Variants in SNTG1 observed in about 807,000 individuals in gnomAD.
SNTG1 encodes the protein gamma-1-syntrophin.
A neutral mutation model predicts 74.7 loss-of-function variants in SNTG1; 39 were observed. The ratio of observed to expected loss-of-function variants is 0.52; its 90% CI spans 0.40 to 0.68. The LOEUF is 0.68. Ranked by LOEUF, SNTG1 falls within the 30% of genes least tolerant of loss-of-function variation. SNTG1 has a pLI of 0.00. For synonymous variants in SNTG1, 254 were observed against 217.1 expected (o/e 1.17, Z -1.49); for missense variants, 685 against 609.5 (o/e 1.12, Z -1.30).
At chr8:50,488,853 G>T (rs2093823254) in intron 8 of SNTG1, among the ~76,000 whole-genome samples, 1 of 152,082 alleles carries the variant, frequency 6.6e-6, no homozygotes, top group Admixed American at 6.5e-5. Context: ...AAGTATAAAC[G>T]TGCCATGGTG....
At chr8:50,199,072 C>A (rs370011635) in intron 2 of SNTG1, among the ~76,000 whole-genome samples, 1 of 152,118 alleles carries the variant, frequency 6.6e-6, no homozygotes, top group Non-Finnish European at 1.5e-5. Context: ...GGAATGCATT[C>A]TCTGGGATGA....
At chr8:50,203,729 C>T (rs1182158039) in intron 2 of SNTG1, among the ~76,000 whole-genome samples, 2 of 150,330 alleles carry the variant, frequency 1.3e-5, no homozygotes, top group Non-Finnish European at 3.0e-5. Flanking sequence ...ATTGTCATTG[C>T]TATGTGGCAG....
chr8:49,993,302 A>G (rs906523109), intron 1 of SNTG1, among the ~76,000 whole-genome samples: 3 of 148,638 alleles, frequency 2.0e-5, no homozygotes, highest in Admixed American at 6.7e-5. Context: ...CACTCTATTT[A>G]TTTCTTTATT....
intron 1 of SNTG1, among the ~76,000 whole-genome samples, chr8:50,122,210 G>A (rs1034051736): frequency 1.4e-5 from 2 of 142,120 alleles, no homozygotes; most frequent in African/African-American, 2.5e-5. Flanking sequence ...TTGAATAAAT[G>A]TAAAAATATT....
chr8:50,199,208 A>G (rs2083891529), intron 2 of SNTG1, among the ~76,000 whole-genome samples: 1 of 147,438 alleles, frequency 6.8e-6, no homozygotes, highest in Non-Finnish European at 1.5e-5. Flanking sequence ...AACGATTAGG[A>G]CTTAATTTCC....
At chr8:50,245,517 T>A (rs1380625938) in intron 2 of SNTG1, among the ~76,000 whole-genome samples, 2 of 151,984 alleles carry the variant, frequency 1.3e-5, no homozygotes, top group Non-Finnish European at 2.9e-5. Context: ...ACCCCATCTC[T>A]ACTAAAAATA....
intron 13 of SNTG1, among the ~76,000 whole-genome samples, chr8:50,649,753 C>T (rs1585956179): frequency 6.6e-6 from 1 of 152,030 alleles, no homozygotes; most frequent in South Asian, 2.1e-4. Flanking sequence ...TCTACTGGCT[C>T]GTCTTTTTTA....
At chr8:49,999,461 T>A (rs1176261218) in intron 1 of SNTG1, among the ~76,000 whole-genome samples, 1 of 152,170 alleles carries the variant, frequency 6.6e-6, no homozygotes, top group African/African-American at 2.4e-5. Flanking sequence ...GCCACAGTGA[T>A]CTTGTTATAA....
Position 50,626,192 on chromosome 8 carries a change from C to T in SNTG1, c.850-30717C>T, listed in dbSNP as rs146372519. Among the ~76,000 whole-genome samples the T allele has an allele frequency of 5.0e-3, 762 of 152,210 alleles. 6 individuals carry two copies. The highest frequency in any genetic ancestry group is 0.017 in the African/African-American group (712 of 41,528). The stretch of plus-strand genomic sequence containing the variant: ...TGCTGAACTTCCTTTATATAACACT[C>T]GTTTTACTATGAATTTCTTCTTGGA... On this transcript the variant is annotated intron_variant, in intron 13 of 18. Coordinates refer to ENST00000642720, the MANE Select transcript of SNTG1 (RefSeq NM_018967.5).
At chr8:50,065,413 A>G (rs1335998358) in intron 1 of SNTG1, among the ~76,000 whole-genome samples, 4 of 152,216 alleles carry the variant, frequency 2.6e-5, no homozygotes, top group Admixed American at 2.0e-4. Flanking sequence ...ATAAATAAAT[A>G]GAATAAATAA....
intron 18 of SNTG1, among the ~76,000 whole-genome samples, chr8:50,785,368 A>T (rs1031327951): frequency 6.6e-6 from 1 of 151,972 alleles, no homozygotes; most frequent in Non-Finnish European, 1.5e-5. Flanking sequence ...TATTTTAGAG[A>T]TTAAAAAGAA....
intron 1 of SNTG1, among the ~76,000 whole-genome samples, chr8:50,056,850 G>T (rs1020232163): frequency 6.6e-6 from 1 of 152,156 alleles, no homozygotes; most frequent in African/African-American, 2.4e-5. Context: ...GGCTGCATTT[G>T]TTAGGATCAA....
At chr8:50,581,763 C>A (rs1433314725) in intron 12 of SNTG1, among the ~76,000 whole-genome samples, 2 of 152,140 alleles carry the variant, frequency 1.3e-5, no homozygotes, top group Non-Finnish European at 2.9e-5. Flanking sequence ...AAACAAAGTT[C>A]TTTGGTTTCA....
intron 9 of SNTG1, among the ~76,000 whole-genome samples, chr8:50,524,830 T>A (rs531579965): frequency 1.7e-4 from 26 of 152,212 alleles, no homozygotes; most frequent in Non-Finnish European, 2.8e-4. Context: ...GTGAAGGGTG[T>A]CCTGGAATCA....
At chr8:50,098,981 C>A (rs528508168) in intron 1 of SNTG1, among the ~76,000 whole-genome samples, 3 of 151,988 alleles carry the variant, frequency 2.0e-5, no homozygotes, top group African/African-American at 7.2e-5. Flanking sequence ...CATAGAACAA[C>A]GGGCCACAAT....
intron 12 of SNTG1, among the ~76,000 whole-genome samples, chr8:50,570,753 C>T (rs1188397527): frequency 1.3e-5 from 2 of 151,604 alleles, no homozygotes; most frequent in East Asian, 3.9e-4. Flanking sequence ...TGTGGGCATG[C>T]ACCACCGTGC....
intron 1 of SNTG1, among the ~76,000 whole-genome samples, chr8:49,937,847 T>C (rs993861396): frequency 6.6e-5 from 10 of 152,184 alleles, no homozygotes; most frequent in African/African-American, 2.4e-4. Context: ...TCTTTCTCCT[T>C]TCCTCTCTTC....
In SNTG1 at chr8:50,792,805, G is replaced by A. The variant is rs778821533; in HGVS notation, c.1530G>A (p.Thr510=). 33 of 1,611,768 alleles carry A rather than the reference G, an allele frequency of 2.0e-5. No individual in the cohort carries two copies. Among genetic ancestry groups the A allele is most frequent in the Non-Finnish European group, 2.5e-5 (29 of 1,178,644 alleles). ...CTACTGCTGCCAGCTCTGCTACCAC[G>A]AGCAAAGCAAAGTATACAACTTGAC... is the stretch of plus-strand genomic sequence containing the variant. ...TASTAASSAT[T]SKAKYTT The change falls in exon 19 of 19, where the codon ACG becomes ACA. Residue 510 remains threonine (T), a synonymous_variant. Coordinates refer to ENST00000642720, the MANE Select transcript of SNTG1 (RefSeq NM_018967.5).
chr8:50,065,012 G>A (rs1464151148), intron 1 of SNTG1, among the ~76,000 whole-genome samples: 1 of 152,142 alleles, frequency 6.6e-6, no homozygotes, highest in Non-Finnish European at 1.5e-5. Flanking sequence ...GGCATACAGT[G>A]ATTCCTCAGT....
Sources: allele counts gnomAD v4.1 joint callset (sites outside exome capture counted in the v4.1 genomes callset), GRCh38; gene constraint gnomAD v4.1.1; transcripts MANE v1.5; gene names NCBI Gene and HGNC (gene_info 2026-07-23, HGNC 2026-07-21).